The following HACD2 variants were observed in gnomAD, a reference collection of about 807,000 sequenced individuals.
The protein encoded by HACD2 is very-long-chain (3R)-3-hydroxyacyl-CoA dehydratase 2.
A neutral mutation model predicts 31.0 loss-of-function variants in HACD2; 15 were observed. The ratio of observed to expected loss-of-function variants is 0.48; its 90% CI spans 0.32 to 0.75. The LOEUF (loss-of-function observed/expected upper bound fraction) is 0.75, where lower values mean the gene tolerates loss of function less well. Ranked by LOEUF, HACD2 falls within the 30% of genes least tolerant of loss-of-function variation. The pLI is 0.03. For missense variants in HACD2, 283 were observed against 313.0 expected (o/e 0.90, Z 0.72); for synonymous variants, 115 against 122.2 (o/e 0.94, Z 0.39).
Position 123,500,689 on chromosome 3 carries a change from T to G in HACD2, c.508A>C (p.Thr170Pro). 1 of 1,593,878 alleles carries G rather than the reference T, an allele frequency of 6.3e-7. No individual in the cohort carries two copies. The highest frequency in any genetic ancestry group is 8.5e-7 in the Non-Finnish European group (1 of 1,173,810). Residue 170 changes from threonine to proline, a missense_variant, in exon 6 of 7, where the codon ACA becomes CCA. Physicochemically the swap from Thr to Pro is conservative, Grantham distance 38. Coordinates refer to ENST00000383657, the MANE Select transcript of HACD2 (RefSeq NM_198402.5). ...ATTGGGTACAGCACAATGAAAAGTG[T>G]GTACCTAAAACAAAACAAAATATTC... ...LPYLIKWARYTLFIVLYPMGV... is the reference protein window; with the variant it reads ...LPYLIKWARYPLFIVLYPMGV...
intron 4 of HACD2, among the ~76,000 whole-genome samples, chr3:123,510,932 GTTTTT>G (rs67094405): frequency 1.4e-5 from 2 of 142,642 alleles, no homozygotes; most frequent in African/African-American, 5.1e-5. Context: ...CATTTGCTGT[GTTTTT>G]TTTTTTTGTT....
chr3:123,517,453 T>C (rs1351398021), intron 4 of HACD2, among the ~76,000 whole-genome samples: 1 of 152,230 alleles, frequency 6.6e-6, no homozygotes, highest in East Asian at 1.9e-4. Flanking sequence ...TGGAGTCATA[T>C]TTAATCCCAA....
intron 3 of HACD2, among the ~76,000 whole-genome samples, chr3:123,532,488 A>T (rs2056374302): frequency 1.3e-5 from 2 of 152,236 alleles, no homozygotes; most frequent in African/African-American, 4.8e-5. Context: ...AGCTCTGAAC[A>T]GAGCTGGCAT....
chr3:123,563,336 C>G (rs1039297830), intron 3 of HACD2, among the ~76,000 whole-genome samples: 7 of 152,084 alleles, frequency 4.6e-5, no homozygotes, highest in Admixed American at 2.0e-4. Flanking sequence ...GCTGCTCATT[C>G]CAGGCAGAGA....
intron 3 of HACD2, chr3:123,543,770 T>C (rs1235547859): frequency 7.0e-6 from 2 of 285,614 alleles, no homozygotes; most frequent in Non-Finnish European, 1.4e-5. Flanking sequence ...AAAATAAAAA[T>C]TATTGACCAG....
chr3:123,578,036 C>CT (rs2056926333), intron 2 of HACD2, among the ~76,000 whole-genome samples: 1 of 152,188 alleles, frequency 6.6e-6, no homozygotes. Flanking sequence ...ACACCCCACT[C>CT]TCTCTCCCCA....
chr3:123,548,730 T>C (rs1180108865), intron 3 of HACD2, among the ~76,000 whole-genome samples: 2 of 151,926 alleles, frequency 1.3e-5, no homozygotes, highest in African/African-American at 4.8e-5. Flanking sequence ...CAAGCAATCC[T>C]CCTGACTCAG....
intron 3 of HACD2, among the ~76,000 whole-genome samples, chr3:123,557,814 C>T (rs938670299): frequency 6.6e-6 from 1 of 152,196 alleles, no homozygotes; most frequent in African/African-American, 2.4e-5. Flanking sequence ...AAGAAACTCT[C>T]ATTCATTACT....
At chr3:123,573,155 T>A (rs1210974401) in intron 2 of HACD2, among the ~76,000 whole-genome samples, 1 of 152,210 alleles carries the variant, frequency 6.6e-6, no homozygotes, top group Non-Finnish European at 1.5e-5. Context: ...TTAGGAATTA[T>A]CATATTCTAC....
At chr3:123,511,362 C>A (rs1479694371) in intron 4 of HACD2, among the ~76,000 whole-genome samples, 2 of 152,122 alleles carry the variant, frequency 1.3e-5, no homozygotes, top group Admixed American at 6.6e-5. Flanking sequence ...TGAACACACA[C>A]ACACATACAC....
chr3:123,578,115 A>G (rs988765777), intron 2 of HACD2, among the ~76,000 whole-genome samples: 2 of 152,212 alleles, frequency 1.3e-5, no homozygotes, highest in Admixed American at 6.5e-5. Flanking sequence ...CTTATAAATG[A>G]AATCATACTA....
At chr3:123,525,749 T>C (rs373198420) in intron 4 of HACD2, among the ~76,000 whole-genome samples, 22 of 152,202 alleles carry the variant, frequency 1.4e-4, no homozygotes, top group African/African-American at 5.1e-4. Flanking sequence ...TGAGAAATGA[T>C]AGTAGTGTGA....
intron 3 of HACD2, among the ~76,000 whole-genome samples, chr3:123,535,684 G>A (rs1330965040): frequency 6.6e-6 from 1 of 152,226 alleles, no homozygotes; most frequent in East Asian, 1.9e-4. Context: ...AGTGGGGGAA[G>A]TGACTAACTA....
Position 123,499,201 on chromosome 3 carries a change from T to G in HACD2, c.682+1314A>C, listed in dbSNP as rs73857647. The G allele has an allele frequency of 6.6e-3, 1,075 of 163,210 alleles. 6 individuals are homozygous for G. Among genetic ancestry groups the G allele is most frequent in the African/African-American group, 0.025 (1,036 of 41,678 alleles). 10.1% of individuals were successfully genotyped at this position (163,210 alleles called of 1,614,324 possible). On this transcript the variant is annotated intron_variant, in intron 6 of 6. Transcript: ENST00000383657. ...CACTGGGATAATATGTGTTAGTTAC[T>G]CCGGGTGTGGTAAAACTGCAACTGT... is the stretch of plus-strand genomic sequence containing the variant.
At chr3:123,540,992 C>T (rs142526296) in intron 3 of HACD2, among the ~76,000 whole-genome samples, 58 of 152,220 alleles carry the variant, frequency 3.8e-4, no homozygotes, top group African/African-American at 1.3e-3. Context: ...TAAACCCAGC[C>T]GGGCACGATG....
At chr3:123,522,975 G>T (rs182872725) in intron 4 of HACD2, among the ~76,000 whole-genome samples, 15 of 152,290 alleles carry the variant, frequency 9.8e-5, no homozygotes, top group Non-Finnish European at 1.8e-4. Flanking sequence ...AATGATGGGG[G>T]TAAGAAGCTG....
intron 3 of HACD2, among the ~76,000 whole-genome samples, chr3:123,560,277 G>A (rs970033287): frequency 1.4e-4 from 21 of 152,162 alleles, no homozygotes; most frequent in African/African-American, 5.1e-4. Flanking sequence ...TAACTGATTT[G>A]GGAAAGATTA....
intron 4 of HACD2, among the ~76,000 whole-genome samples, chr3:123,515,009 T>C (rs765068421): frequency 2.6e-5 from 4 of 152,232 alleles, no homozygotes; most frequent in Admixed American, 6.5e-5. Context: ...CATTAAATTT[T>C]TGGGGAAAGA....
intron 5 of HACD2, 91 bp from the exon 6 acceptor site, chr3:123,500,784 T>G: frequency 4.2e-6 from 3 of 710,832 alleles, no homozygotes; most frequent in South Asian, 3.8e-5. Context: ...TACTGGTCTT[T>G]TAGAAAATGA....
Sources: allele counts gnomAD v4.1 joint callset (sites outside exome capture counted in the v4.1 genomes callset), GRCh38; gene constraint gnomAD v4.1.1; transcripts MANE v1.5; gene names NCBI Gene and HGNC (gene_info 2026-07-23, HGNC 2026-07-21).